Variants in UNC80 observed in about 807,000 individuals in gnomAD.
UNC80 encodes unc-80 subunit of NALCN channel complex.
A neutral mutation model predicts 384.6 loss-of-function variants in UNC80; 164 were observed. The ratio of observed to expected loss-of-function variants is 0.43; its 90% confidence interval spans 0.38 to 0.49. The LOEUF is 0.49. Among genes scored for constraint, UNC80 ranks in the 20% least tolerant of loss-of-function variants. The probability of loss-of-function intolerance (pLI) is 0.00; values close to 1 mark genes in which losing one functional copy is unlikely to be tolerated. For missense variants in UNC80, 3,330 were observed against 4,143.0 expected (o/e 0.80, Z 5.39); for synonymous variants, 1,486 against 1,527.8 (o/e 0.97, Z 0.64).
intron 60 of UNC80, chr2:209,982,957 C>CAG (rs1193529180): frequency 2.2e-5 from 2 of 92,422 alleles, no homozygotes; most frequent in African/African-American, 4.1e-5. Flanking sequence ...TATATATATA[C>CAG]ACACACACAC....
At chr2:209,987,728 C>T (rs1367411824) in intron 61 of UNC80, among the ~76,000 whole-genome samples, 1 of 151,690 alleles carries the variant, frequency 6.6e-6, no homozygotes, top group Non-Finnish European at 1.5e-5. Flanking sequence ...TACTTTTAAT[C>T]ACAGTGAAAA....
Position 209,939,605 on chromosome 2 carries a change from C to G in UNC80, c.6599C>G (p.Pro2200Arg). ...QEDLLRLPSFPRSAIDAEFSL... is the reference protein window; with the variant it reads ...QEDLLRLPSFRRSAIDAEFSL... Reference sequence around the variant, plus strand: ...GACCTCCTCCGCCTGCCCTCATTCCCTCGTAGTGCTATTGATGCTGAGTTT... The same window carrying G: ...GACCTCCTCCGCCTGCCCTCATTCCGTCGTAGTGCTATTGATGCTGAGTTT... The change falls in exon 43 of 65, where the codon CCT (proline) becomes CGT (arginine). Residue 2200 changes from proline (P) to arginine (R), a missense_variant. Pro to Arg is a moderately radical substitution (Grantham distance 103). Around this residue, in one of 8 missense-constraint regions of UNC80, gnomAD observed 1,049 missense variants for 1,488.6 expected, o/e 0.70. Transcript: ENST00000673920. 6.4e-7 allele frequency: 1 copy of G among 1,551,726 alleles called. No homozygotes were observed. The highest frequency in any genetic ancestry group is 8.7e-7 in the Non-Finnish European group (1 of 1,146,876).
At chr2:209,964,483 T>A (rs1316424520) in intron 51 of UNC80, among the ~76,000 whole-genome samples, 5 of 152,206 alleles carry the variant, frequency 3.3e-5, no homozygotes, top group African/African-American at 9.6e-5. Flanking sequence ...CTACAGAGAA[T>A]TTCTTTAATA....
chr2:209,929,530 C>T (rs1267585023), intron 36 of UNC80, among the ~76,000 whole-genome samples: 2 of 152,088 alleles, frequency 1.3e-5, no homozygotes, highest in Non-Finnish European at 2.9e-5. Flanking sequence ...ATAAAATAAA[C>T]AATAAAATAT....
intron 16 of UNC80, among the ~76,000 whole-genome samples, chr2:209,832,747 A>G (rs1053932516): frequency 5.3e-5 from 8 of 152,210 alleles, no homozygotes; most frequent in Non-Finnish European, 8.8e-5. Context: ...CTGCTTATAC[A>G]TCTTTTTTTA....
intron 35 of UNC80, among the ~76,000 whole-genome samples, chr2:209,925,409 C>T (rs1036320788): frequency 1.3e-5 from 2 of 152,154 alleles, no homozygotes; most frequent in Non-Finnish European, 2.9e-5. Flanking sequence ...AAAGGTAATG[C>T]GGACCCAAAG....
chr2:209,825,269 T>C (rs1574612588), intron 13 of UNC80, among the ~76,000 whole-genome samples: 3 of 152,260 alleles, frequency 2.0e-5, no homozygotes, highest in Admixed American at 2.0e-4. Flanking sequence ...AAAGATTAAA[T>C]TGGGCAAAAG....
chr2:209,831,908 G>A (rs183781537), intron 16 of UNC80, among the ~76,000 whole-genome samples: 6 of 152,070 alleles, frequency 3.9e-5, no homozygotes, highest in African/African-American at 1.2e-4. Flanking sequence ...TTGTTGGCTC[G>A]TAAAATACTA....
At chr2:209,844,923 A>G (rs2082069980) in intron 21 of UNC80, among the ~76,000 whole-genome samples, 1 of 151,740 alleles carries the variant, frequency 6.6e-6, no homozygotes, top group Non-Finnish European at 1.5e-5. Context: ...TCTTAAGTGA[A>G]CTTTTTCTGT....
chr2:209,906,123 T>C (rs1386674282), intron 29 of UNC80, among the ~76,000 whole-genome samples: 1 of 151,848 alleles, frequency 6.6e-6, no homozygotes, highest in African/African-American at 2.4e-5. Flanking sequence ...GCAAACCAGG[T>C]TTGGCCTGGG....
intron 64 of UNC80, among the ~76,000 whole-genome samples, chr2:209,995,090 T>C (rs1371441644): frequency 6.6e-6 from 1 of 152,180 alleles, no homozygotes; most frequent in Admixed American, 6.5e-5. Flanking sequence ...TATTATCTCA[T>C]TTGATCCTCA....
chr2:209,908,115 T>C (rs1347036383), intron 29 of UNC80, among the ~76,000 whole-genome samples: 1 of 152,248 alleles, frequency 6.6e-6, no homozygotes, highest in East Asian at 1.9e-4. Flanking sequence ...TACTTTTCAT[T>C]TGCCTGTTGT....
intron 24 of UNC80, 148 bp downstream of exon 24, chr2:209,878,237 G>A: frequency 1.2e-6 from 1 of 805,564 alleles, no homozygotes; most frequent in South Asian, 3.5e-5. Context: ...GTGCATGGGT[G>A]TAAAGCATGT....
intron 38 of UNC80, 125 bp downstream of exon 38, chr2:209,931,179 G>C: frequency 1.6e-6 from 1 of 623,626 alleles, no homozygotes; most frequent in Admixed American, 3.0e-5. Context: ...ACTAAATTCT[G>C]TGTAGGGAAG....
intron 38 of UNC80, among the ~76,000 whole-genome samples, chr2:209,931,701 G>T (rs2090888835): frequency 6.6e-6 from 1 of 152,006 alleles, no homozygotes; most frequent in South Asian, 2.1e-4. Context: ...TCCCTAGCAG[G>T]GTGATAAATT....
At position 209,943,507 on chromosome 2, in the gene UNC80, A is replaced by G; in HGVS notation, c.7043A>G (p.Glu2348Gly). The G allele has an allele frequency of 6.4e-7, 1 of 1,551,608 alleles. No individual in the cohort carries two copies. The highest frequency in any genetic ancestry group is 8.7e-7 in the Non-Finnish European group (1 of 1,146,920). Residue 2348 changes from glutamate (E) to glycine (G), a missense_variant, in exon 45 of 65, where the codon GAA (glutamate) becomes GGA (glycine). Around this residue, in one of 8 missense-constraint regions of UNC80, gnomAD observed 1,049 missense variants for 1,488.6 expected, o/e 0.70. Coordinates refer to ENST00000673920, the MANE Select transcript of UNC80 (RefSeq NM_001371986.1). ...TTTGCTAGTGTGGCCCCTCTCCTGG[A>G]ATTTCCTGTAAGTAAGCTCTGTGGG... The part of the protein sequence containing the change: ...QLFASVAPLL[E>G]FPDAANNGPS...
intron 26 of UNC80, 80 bp downstream of exon 26, chr2:209,888,340 A>G: frequency 7.0e-7 from 1 of 1,420,108 alleles, no homozygotes; most frequent in Non-Finnish European, 9.5e-7. Flanking sequence ...CTAAACTACA[A>G]AATTGTGTAC....
intron 39 of UNC80, among the ~76,000 whole-genome samples, chr2:209,934,631 G>A (rs368845589): frequency 1.2e-4 from 18 of 152,202 alleles, no homozygotes; most frequent in Admixed American, 5.9e-4. Context: ...ACAGGTTCTC[G>A]CAGCAAAAAA....
chr2:209,840,908 T>C (rs2081691843), intron 20 of UNC80, among the ~76,000 whole-genome samples: 1 of 152,198 alleles, frequency 6.6e-6, no homozygotes, highest in South Asian at 2.1e-4. Context: ...ATATAGACAT[T>C]ATTTCCCAGC....
Sources: allele counts gnomAD v4.1 joint callset (sites outside exome capture counted in the v4.1 genomes callset), GRCh38; gene constraint gnomAD v4.1.1; regional missense constraint gnomAD v4.1.1; transcripts MANE v1.5; gene names NCBI Gene and HGNC (gene_info 2026-07-23, HGNC 2026-07-21).